SHISA9: variants seen among roughly 807,000 people sequenced by gnomAD.
SHISA9 encodes the protein shisa family member 9.
Under a neutral mutation model 38.0 loss-of-function variants are expected in SHISA9, and 13 were observed. That is an observed-to-expected ratio of 0.34 (90% CI 0.22 to 0.54). The LOEUF (loss-of-function observed/expected upper bound fraction) is 0.54. SHISA9 is among the 20% of genes least tolerant of loss of function. The pLI is 0.91. For synonymous variants in SHISA9, 275 were observed against 242.0 expected, an observed-to-expected ratio of 1.14 and a Z score of -1.27; for missense variants, 538 against 575.8, an observed-to-expected ratio of 0.93 and a Z score of 0.67.
chr16:13,142,310 C>A (rs1310449771), intron 2 of SHISA9, among the ~76,000 whole-genome samples: 1 of 152,130 alleles, frequency 6.6e-6, no homozygotes, highest in East Asian at 1.9e-4. Flanking sequence ...CAGTAATAGC[C>A]CACGTGTTCC....
chr16:12,943,332 A>T (rs7202503), intron 2 of SHISA9, among the ~76,000 whole-genome samples: 131 of 21,544 alleles, frequency 6.1e-3, no homozygotes, highest in Admixed American at 0.011. Flanking sequence ...TGTGTGTGTG[A>T]GAGAGAGAGA....
chr16:13,476,738 G>GTTTTTTTTTTTTTTT, the SHISA9 span, among the ~76,000 whole-genome samples: 1 of 65,228 alleles, frequency 1.5e-5, no homozygotes, highest in African/African-American at 5.5e-5. Flanking sequence ...CCTGTTTTGT[G>GTTTTTTTTTTTTTTT]TTTTTTTTTT....
rs555785137 is a variant in SHISA9, at chr16:12,921,258, A to G, written c.691+4443A>G. Among the ~76,000 whole-genome samples, 16 of 152,354 alleles carry G rather than the reference A, an allele frequency of 1.1e-4. 1 individual carries two copies. In the South Asian group the frequency reaches 3.3e-3, roughly 32 times the overall value. Reference sequence around the variant, plus strand: ...CTTGATGTTTTAGAACATAAAATCCATCAGAAAGAGCAGGATGCTATTCCA... The same window carrying G: ...CTTGATGTTTTAGAACATAAAATCCGTCAGAAAGAGCAGGATGCTATTCCA... On this transcript the variant is annotated intron_variant, in intron 2 of 4. Coordinates refer to ENST00000558583, the MANE Select transcript of SHISA9 (RefSeq NM_001145204.3).
At chr16:13,429,791 G>A in the SHISA9 span, among the ~76,000 whole-genome samples, 1 of 152,198 alleles carries the variant, frequency 6.6e-6, no homozygotes. Context: ...ACAGTTTGCA[G>A]ATGATGTATC....
chr16:12,928,174 A>G (rs1358265893), intron 2 of SHISA9, among the ~76,000 whole-genome samples: 5 of 50,204 alleles, frequency 1.0e-4, no homozygotes, highest in Non-Finnish European at 1.7e-4. Flanking sequence ...TTCTTATCTT[A>G]TATTTTTTTT....
At chr16:13,389,953 A>G in the SHISA9 span, among the ~76,000 whole-genome samples, 1 of 152,090 alleles carries the variant, frequency 6.6e-6, no homozygotes, top group South Asian at 2.1e-4. Flanking sequence ...TCTTTTTTCC[A>G]CTTACTTCTA....
At chr16:13,069,864 G>A (rs573778908) in intron 2 of SHISA9, among the ~76,000 whole-genome samples, 2 of 152,200 alleles carry the variant, frequency 1.3e-5, no homozygotes, top group East Asian at 3.9e-4. Flanking sequence ...GCCCTGTGAG[G>A]ACACAGTGAG....
chr16:13,005,936 C>G (rs1237202211), intron 2 of SHISA9, among the ~76,000 whole-genome samples: 1 of 152,156 alleles, frequency 6.6e-6, no homozygotes, highest in Non-Finnish European at 1.5e-5. Flanking sequence ...AGGTCTGAAA[C>G]AGTGGGAGGC....
At chr16:13,250,807 GC>G in the SHISA9 span, among the ~76,000 whole-genome samples, 1 of 152,172 alleles carries the variant, frequency 6.6e-6, no homozygotes, top group Non-Finnish European at 1.5e-5. Context: ...GTCCATGGCA[GC>G]TGCTGCAGAT....
the SHISA9 span, among the ~76,000 whole-genome samples, chr16:13,394,405 C>T: frequency 2.6e-5 from 4 of 152,198 alleles, no homozygotes; most frequent in African/African-American, 7.2e-5. Flanking sequence ...GGTGGGCTTT[C>T]ATGTCCTTTT....
chr16:13,507,503 C>T, the SHISA9 span, among the ~76,000 whole-genome samples: 1 of 152,158 alleles, frequency 6.6e-6, no homozygotes, highest in Non-Finnish European at 1.5e-5. Flanking sequence ...CAGATGCAGA[C>T]TTCCCAGCCT....
chr16:13,415,923 A>G, the SHISA9 span, among the ~76,000 whole-genome samples: 1 of 152,208 alleles, frequency 6.6e-6, no homozygotes, highest in South Asian at 2.1e-4. Context: ...AAAAACAGGT[A>G]AAAACTAATC....
chr16:13,465,930 G>A, the SHISA9 span, among the ~76,000 whole-genome samples: 1 of 152,240 alleles, frequency 6.6e-6, no homozygotes, highest in Non-Finnish European at 1.5e-5. Context: ...TAGCCACAGA[G>A]TTGGCTAGTA....
Position 13,162,543 on chromosome 16 carries a change from A to G in SHISA9, c.692-40851A>G, listed in dbSNP as rs145093919. Among the ~76,000 whole-genome samples, 895 of 152,304 alleles carry G rather than the reference A, an allele frequency of 5.9e-3. 11 individuals carry two copies. The highest frequency in any genetic ancestry group is 0.021 in the African/African-American group (859 of 41,578). On this transcript the variant is annotated intron_variant, in intron 2 of 4. Transcript: ENST00000558583. ...CTTGACTGATACTCCAAATTCCATT[A>G]AAACAGATTCGAAACTCATCCAAAC...
the SHISA9 span, among the ~76,000 whole-genome samples, chr16:13,552,627 A>T: frequency 6.6e-6 from 1 of 152,200 alleles, no homozygotes; most frequent in African/African-American, 2.4e-5. Flanking sequence ...CGAGGTCACA[A>T]CGGATGACGC....
chr16:13,422,635 G>A, the SHISA9 span, among the ~76,000 whole-genome samples: 1 of 152,224 alleles, frequency 6.6e-6, no homozygotes, highest in African/African-American at 2.4e-5. Flanking sequence ...GGCGGAGGTT[G>A]CAGTGAGCTG....
At chr16:13,126,797 G>T (rs1190341623) in intron 2 of SHISA9, among the ~76,000 whole-genome samples, 1 of 138,694 alleles carries the variant, frequency 7.2e-6, no homozygotes, top group East Asian at 2.3e-4. Flanking sequence ...AGAGACTGAG[G>T]GGAGGAGAGA....
At chr16:13,341,306 C>T in the SHISA9 span, among the ~76,000 whole-genome samples, 1 of 152,130 alleles carries the variant, frequency 6.6e-6, no homozygotes, top group African/African-American at 2.4e-5. Flanking sequence ...CTTTTTTCTT[C>T]ACATTTTCTG....
In SHISA9 at chr16:13,235,087, C is replaced by T; in HGVS notation, c.953C>T (p.Ala318Val). The T allele has an allele frequency of 6.4e-7, 1 of 1,551,486 alleles. No homozygotes were observed. ...CGACGGCACCTGGCTGAGCTGGCTG[C>T]CAAGGGGAACTTACCTCTGCACCCC... ...TKRRHLAELA[A>V]KGNLPLHPVR... Residue 318 changes from alanine to valine, a missense_variant, in exon 5 of 5, where the codon GCC becomes GTC. Physicochemically the swap from Ala to Val is moderately conservative, Grantham distance 64. Transcript: ENST00000558583.
Sources: gnomAD v4.1 joint callset for allele counts (sites outside exome capture counted in the v4.1 genomes callset) on GRCh38, gnomAD v4.1.1 for gene constraint, MANE v1.5 for transcripts, NCBI Gene and HGNC (gene_info 2026-07-23, HGNC 2026-07-21) for gene names.